SMYD3: variants seen among roughly 807,000 people sequenced by gnomAD.
The protein encoded by SMYD3 is SET and MYND domain containing 3.
Under a neutral mutation model 57.7 loss-of-function variants are expected in SMYD3, and 36 were observed. That is an observed-to-expected ratio of 0.62 (90% confidence interval 0.48 to 0.82). SMYD3 has a LOEUF of 0.82. Among genes scored for constraint, SMYD3 ranks in the 40% least tolerant of loss-of-function variants. The pLI, the probability that SMYD3 is intolerant of heterozygous loss-of-function variation, is 0.00. For synonymous variants in SMYD3, 211 were observed against 195.0 expected, an observed-to-expected ratio of 1.08 and a Z score of -0.68; for missense variants, 515 against 538.8, an observed-to-expected ratio of 0.96 and a Z score of 0.44.
intron 5 of SMYD3, among the ~76,000 whole-genome samples, chr1:246,320,405 AG>A (rs1458208893): frequency 1.8e-4 from 27 of 152,334 alleles, no homozygotes; most frequent in African/African-American, 6.5e-4. Flanking sequence ...AAAGAAGGAG[AG>A]AACATCTTCT....
intron 5 of SMYD3, among the ~76,000 whole-genome samples, chr1:245,993,631 TAGACAGAC>T (rs60153898): frequency 6.3e-4 from 76 of 120,110 alleles, no homozygotes; most frequent in African/African-American, 1.9e-3. Context: ...GATAGATAGA[TAGACAGAC>T]AGACAGACAG....
chr1:246,049,507 G>A (rs61841861), intron 5 of SMYD3, among the ~76,000 whole-genome samples: 5,348 of 150,494 alleles, frequency 0.036, 225 homozygotes, highest in Admixed American at 0.13. Context: ...GGGTTTCACC[G>A]TGTTAGCCAG....
chr1:246,153,696 T>A (rs1300495474), intron 5 of SMYD3, among the ~76,000 whole-genome samples: 1 of 152,136 alleles, frequency 6.6e-6, no homozygotes, highest in African/African-American at 2.4e-5. Flanking sequence ...GGTCTCAAAC[T>A]CCTAGCCTCA....
intron 5 of SMYD3, among the ~76,000 whole-genome samples, chr1:246,065,694 A>G (rs2060328894): frequency 6.6e-6 from 1 of 152,246 alleles, no homozygotes; most frequent in South Asian, 2.1e-4. Flanking sequence ...AATTCACACC[A>G]GAAATTATTA....
chr1:246,059,077 C>T (rs990885177), intron 5 of SMYD3, among the ~76,000 whole-genome samples: 11 of 152,086 alleles, frequency 7.2e-5, no homozygotes, highest in African/African-American at 2.7e-4. Flanking sequence ...AGGGTTTCAC[C>T]GTGTTAGCCA....
rs570972296 is a variant in SMYD3, at chr1:246,269,543, C to CTTTT, written c.531+57654_531+57657dup. 3.2e-3 allele frequency among the ~76,000 whole-genome samples: 436 copies of CTTTT among 135,208 alleles called. 6 individuals carry two copies. The highest frequency in any genetic ancestry group is 4.9e-3 in the Non-Finnish European group (313 of 63,264). 88.7% of individuals were successfully genotyped at this position (135,208 alleles called of 152,430 possible). A position where few individuals can be genotyped will look rare whatever the true frequency, so the allele number is the denominator to read the frequency against. On this transcript the variant is annotated intron_variant, in intron 5 of 11. Coordinates refer to ENST00000490107, the MANE Select transcript of SMYD3 (RefSeq NM_001167740.2). ...GTTTTCTTTCTGTTTCTTTTTTTTT[C>CTTTT]TTTTTTTTTTTTGTTTTTGTTGTTT...
At position 245,938,641 on chromosome 1, in the gene SMYD3, T is replaced by G. The variant is rs571073491; in HGVS notation, c.532-8704A>C. On this transcript the variant is annotated intron_variant, in intron 5 of 11. Coordinates refer to ENST00000490107, the MANE Select transcript of SMYD3 (RefSeq NM_001167740.2). ...AGAAGTAGCTCATAATTCTTCCCCT[T>G]CTTCTTCCAGACACTTTTATAGATG... Among the ~76,000 whole-genome samples the G allele has an allele frequency of 2.7e-4, 41 of 152,316 alleles. No homozygotes were observed. In the South Asian group the frequency reaches 8.1e-3, roughly 30 times the overall value.
intron 5 of SMYD3, among the ~76,000 whole-genome samples, chr1:246,077,782 T>A (rs902222834): frequency 6.6e-6 from 1 of 152,098 alleles, no homozygotes; most frequent in Admixed American, 6.5e-5. Context: ...ACAGTTCTCA[T>A]CCCACAGGAT....
At chr1:246,503,954 TAAAAAA>T (rs55709330) in intron 1 of SMYD3, among the ~76,000 whole-genome samples, 74,820 of 128,544 alleles carry the variant, frequency 0.58, 22,608 homozygotes, top group East Asian at 0.86. Context: ...AACTCCATCT[TAAAAAA>T]AAAAAAAAAA....
At chr1:245,853,306 C>T (rs556065451) in intron 10 of SMYD3, among the ~76,000 whole-genome samples, 5 of 152,310 alleles carry the variant, frequency 3.3e-5, no homozygotes, top group African/African-American at 9.6e-5. Context: ...GAATGAGCTT[C>T]GTTGTCAGAG....
At chr1:246,340,148 C>T (rs1189227102) in intron 2 of SMYD3, among the ~76,000 whole-genome samples, 1 of 150,922 alleles carries the variant, frequency 6.6e-6, no homozygotes, top group Non-Finnish European at 1.5e-5. Flanking sequence ...AACTATTGTT[C>T]TATAGAAATA....
Position 246,146,537 on chromosome 1 carries a change from T to C in SMYD3, c.531+180664A>G, listed in dbSNP as rs74599034. ...GAGGAGACAGTAAACACAATTGGCT[T>C]TCTCAGAATGGAGGGTATGCAGACC... On this transcript the variant is annotated intron_variant, in intron 5 of 11. Coordinates refer to ENST00000490107, the MANE Select transcript of SMYD3 (RefSeq NM_001167740.2). Among the ~76,000 whole-genome samples, 1,234 of 152,278 alleles carry C rather than the reference T, an allele frequency of 8.1e-3. 12 individuals carry two copies. Among genetic ancestry groups the C allele is most frequent in the African/African-American group, 0.028 (1,143 of 41,560 alleles).
At chr1:245,845,193 A>G (rs977921428) in intron 10 of SMYD3, among the ~76,000 whole-genome samples, 2 of 152,156 alleles carry the variant, frequency 1.3e-5, no homozygotes, top group Non-Finnish European at 2.9e-5. Flanking sequence ...CCAAAAAAAC[A>G]CTGAGCTTTG....
intron 5 of SMYD3, among the ~76,000 whole-genome samples, chr1:246,213,580 G>C (rs2063121336): frequency 6.6e-6 from 1 of 152,126 alleles, no homozygotes; most frequent in South Asian, 2.1e-4. Flanking sequence ...AAGGGCAGGG[G>C]AACACTCAGC....
At chr1:246,087,846 T>A (rs1240924956) in intron 5 of SMYD3, among the ~76,000 whole-genome samples, 1 of 152,116 alleles carries the variant, frequency 6.6e-6, no homozygotes, top group African/African-American at 2.4e-5. Flanking sequence ...TCCTCAGTAC[T>A]CCAACTGTTA....
intron 5 of SMYD3, among the ~76,000 whole-genome samples, chr1:245,977,196 C>T (rs868102153): frequency 2.0e-5 from 3 of 152,300 alleles, no homozygotes; most frequent in Non-Finnish European, 2.9e-5. Context: ...TCAGTCACAC[C>T]CACATTTCAA....
At chr1:246,179,435 T>G in intron 5 of SMYD3, among the ~76,000 whole-genome samples, 1 of 152,220 alleles carries the variant, frequency 6.6e-6, no homozygotes, top group Admixed American at 6.5e-5. Context: ...CAGCAAATAT[T>G]GCCACCACTG....
intron 10 of SMYD3, among the ~76,000 whole-genome samples, chr1:245,788,312 G>A (rs1426940488): frequency 6.6e-6 from 1 of 152,314 alleles, no homozygotes; most frequent in Admixed American, 6.5e-5. Context: ...GAGGAGAATG[G>A]TGTCCAGGGC....
chr1:246,394,907 G>A (rs2066633607), intron 1 of SMYD3, among the ~76,000 whole-genome samples: 1 of 151,426 alleles, frequency 6.6e-6, no homozygotes, highest in African/African-American at 2.4e-5. Flanking sequence ...ACGTAGCTAT[G>A]CTTTATGATA....
Sources: allele counts gnomAD v4.1 joint callset (sites outside exome capture counted in the v4.1 genomes callset), GRCh38; gene constraint gnomAD v4.1.1; transcripts MANE v1.5; gene names NCBI Gene and HGNC (gene_info 2026-07-23, HGNC 2026-07-21).